RCAN2: variants seen among roughly 807,000 people sequenced by gnomAD.
RCAN2 encodes calcipressin-2.
Under a neutral mutation model 23.6 loss-of-function variants are expected in RCAN2, and 9 were observed. The ratio of observed to expected loss-of-function variants is 0.38; its 90% CI spans 0.23 to 0.67. The LOEUF is 0.67. Ranked by LOEUF, RCAN2 falls within the 30% of genes least tolerant of loss-of-function variation. The pLI, the probability that RCAN2 is intolerant of heterozygous loss-of-function variation, is 0.51. For missense variants in RCAN2, 273 were observed against 302.3 expected (o/e 0.90, Z 0.72); for synonymous variants, 109 against 115.7 (o/e 0.94, Z 0.37).
At chr6:46,270,651 T>C (rs1182055561) in intron 2 of RCAN2, among the ~76,000 whole-genome samples, 3 of 152,148 alleles carry the variant, frequency 2.0e-5, no homozygotes, top group African/African-American at 7.2e-5. Context: ...CTGTCAAAAG[T>C]GGTGGGCTGT....
Position 46,343,276 on chromosome 6 carries a change from A to C in RCAN2, c.226-94380T>G, listed in dbSNP as rs189717976. ...AGGAAAAAAAGATAAACTATCAACT[A>C]TATTTCTATATTCAGCAAAAGATGA... On this transcript the variant is annotated intron_variant, in intron 2 of 4. Transcript: ENST00000371374. Among the ~76,000 whole-genome samples, 107 of 152,204 alleles carry C rather than the reference A, an allele frequency of 7.0e-4. 2 individuals carry two copies. Among genetic ancestry groups the C allele is most frequent in the Middle Eastern group, 3.4e-3 (1 of 294 alleles).
chr6:46,429,314 G>A (rs1272136037), intron 2 of RCAN2, among the ~76,000 whole-genome samples: 1 of 152,140 alleles, frequency 6.6e-6, no homozygotes. Flanking sequence ...CACAACAGAG[G>A]CATTTTAACT....
At chr6:46,377,732 T>C (rs1582154021) in intron 2 of RCAN2, among the ~76,000 whole-genome samples, 1 of 152,290 alleles carries the variant, frequency 6.6e-6, no homozygotes, top group Non-Finnish European at 1.5e-5. Flanking sequence ...GTTATAAAGA[T>C]GGAGGCTAAA....
intron 2 of RCAN2, among the ~76,000 whole-genome samples, chr6:46,343,393 T>G (rs967242403): frequency 1.3e-5 from 2 of 150,582 alleles, no homozygotes; most frequent in African/African-American, 4.9e-5. Flanking sequence ...TTTTTTTTTT[T>G]GAGACAGAGT....
chr6:46,386,115 T>G (rs987130828), intron 2 of RCAN2, among the ~76,000 whole-genome samples: 2 of 152,154 alleles, frequency 1.3e-5, no homozygotes, highest in East Asian at 3.9e-4. Context: ...TTTTGCAATC[T>G]ACCCTTCTGA....
At chr6:46,422,938 A>G (rs1232817613) in intron 2 of RCAN2, among the ~76,000 whole-genome samples, 3 of 152,212 alleles carry the variant, frequency 2.0e-5, no homozygotes, top group Non-Finnish European at 4.4e-5. Flanking sequence ...GAGTAATGCT[A>G]TGTCAAGATA....
At position 46,331,504 on chromosome 6, in the gene RCAN2, A is replaced by G. The variant is rs1763972825; in HGVS notation, c.226-82608T>C. On this transcript the variant is annotated intron_variant, in intron 2 of 4. Transcript: ENST00000371374. Reference sequence around the variant, plus strand: ...AAATTGCCCATCTTTAGCTAGTGGGAGTTTAATCAGGTTGGTTCCTGAGTC... The same window carrying G: ...AAATTGCCCATCTTTAGCTAGTGGGGGTTTAATCAGGTTGGTTCCTGAGTC... Among the ~76,000 whole-genome samples, 8 of 152,316 alleles carry G rather than the reference A, an allele frequency of 5.3e-5. No individual in the cohort carries two copies. The South Asian group carries it at 1.7e-3, about 32-fold the overall frequency.
At chr6:46,256,874 C>T (rs1309458950) in intron 2 of RCAN2, among the ~76,000 whole-genome samples, 3 of 152,192 alleles carry the variant, frequency 2.0e-5, no homozygotes, top group Admixed American at 6.6e-5. Flanking sequence ...CCTTGAATAT[C>T]ACAATGAGTG....
intron 1 of RCAN2, among the ~76,000 whole-genome samples, chr6:46,463,653 G>A (rs1768287854): frequency 1.3e-5 from 2 of 152,056 alleles, no homozygotes; most frequent in Admixed American, 6.5e-5. Context: ...CTCAAGAAAG[G>A]GGAACATATA....
At chr6:46,427,965 G>C (rs1767080961) in intron 2 of RCAN2, among the ~76,000 whole-genome samples, 1 of 152,140 alleles carries the variant, frequency 6.6e-6, no homozygotes, top group South Asian at 2.1e-4. Flanking sequence ...TTAGGGCTAA[G>C]CTAGGACCAC....
intron 2 of RCAN2, among the ~76,000 whole-genome samples, chr6:46,418,952 G>A (rs1407017593): frequency 1.3e-5 from 2 of 151,642 alleles, no homozygotes; most frequent in Non-Finnish European, 2.9e-5. Flanking sequence ...GCTGGGCGTG[G>A]CGGCACACAC....
At chr6:46,346,624 C>T (rs1339278729) in intron 2 of RCAN2, among the ~76,000 whole-genome samples, 4 of 151,842 alleles carry the variant, frequency 2.6e-5, no homozygotes, top group Non-Finnish European at 5.9e-5. Context: ...GGAAAAGATA[C>T]AAAGTTTAGT....
chr6:46,377,400 C>A (rs943336321), intron 2 of RCAN2, among the ~76,000 whole-genome samples: 1 of 152,212 alleles, frequency 6.6e-6, no homozygotes, highest in Non-Finnish European at 1.5e-5. Context: ...CACTTTCTTA[C>A]GTGACTAAAC....
upstream of RCAN2, chr6:46,491,460 TGAGCCGGCGGCTCTCGCAG>T (rs1045499655): frequency 1.3e-5 from 2 of 152,204 alleles, no homozygotes; most frequent in Non-Finnish European, 2.9e-5. Flanking sequence ...AGGGAGGGGC[TGAGCCGGCGGCTCTCGCAG>T]GAGCCGGCGG....
At chr6:46,440,675 C>T (rs1304348249) in intron 2 of RCAN2, among the ~76,000 whole-genome samples, 2 of 151,920 alleles carry the variant, frequency 1.3e-5, no homozygotes, top group Non-Finnish European at 1.5e-5. Flanking sequence ...AAGATAGTTG[C>T]TATGACTGAA....
At chr6:46,414,274 T>C (rs1186488143) in intron 2 of RCAN2, among the ~76,000 whole-genome samples, 1 of 152,160 alleles carries the variant, frequency 6.6e-6, no homozygotes, top group Non-Finnish European at 1.5e-5. Context: ...TTAGTGTAAA[T>C]GGGAGATAGA....
rs188680610 is a variant in RCAN2 at position 46,455,332 on chromosome 6, C to A, written c.225+1420G>T. Reference sequence around the variant, plus strand: ...CAACAGTTCAACTCCACACTGATATCATTATAAAAATATCTTTAAATGGCT... The same window carrying A: ...CAACAGTTCAACTCCACACTGATATAATTATAAAAATATCTTTAAATGGCT... On this transcript the variant is annotated intron_variant, in intron 2 of 4. Coordinates refer to ENST00000371374, the MANE Select transcript of RCAN2 (RefSeq NM_001251974.2). Among the ~76,000 whole-genome samples, 43 of 152,218 alleles carry A rather than the reference C, an allele frequency of 2.8e-4. 2 individuals carry two copies. The highest frequency in any genetic ancestry group is 9.9e-4 in the African/African-American group (41 of 41,544).
intron 2 of RCAN2, among the ~76,000 whole-genome samples, chr6:46,352,174 C>T (rs1764668689): frequency 6.6e-6 from 1 of 152,152 alleles, no homozygotes; most frequent in African/African-American, 2.4e-5. Context: ...TAGTCAAGCA[C>T]CTTCTCTGTT....
intron 1 of RCAN2, among the ~76,000 whole-genome samples, chr6:46,464,640 T>C (rs1768320806): frequency 6.6e-6 from 1 of 152,216 alleles, no homozygotes; most frequent in Non-Finnish European, 1.5e-5. Context: ...TGAAATATAA[T>C]GGAACCTATT....
Sources: gnomAD v4.1 joint callset for allele counts (sites outside exome capture counted in the v4.1 genomes callset) on GRCh38, gnomAD v4.1.1 for gene constraint, MANE v1.5 for transcripts, NCBI Gene and HGNC (gene_info 2026-07-23, HGNC 2026-07-21) for gene names.